The following ERC1 variants were observed in gnomAD, a reference collection of about 807,000 sequenced individuals.
ERC1 encodes the protein RAB6 interacting protein 2.
A neutral mutation model predicts 132.0 loss-of-function variants in ERC1; 56 were observed. The ratio of observed to expected loss-of-function variants is 0.42; its 90% CI spans 0.34 to 0.53. The LOEUF (loss-of-function observed/expected upper bound fraction) is 0.53. ERC1 is among the 20% of genes least tolerant of loss of function. ERC1 has a pLI of 0.03. For synonymous variants in ERC1, 478 were observed against 476.1 expected (o/e 1.00, Z -0.05); for missense variants, 1,202 against 1,349.9 (o/e 0.89, Z 1.72).
At chr12:1,213,058 G>C (rs1958024293) in intron 12 of ERC1, among the ~76,000 whole-genome samples, 2 of 152,100 alleles carry the variant, frequency 1.3e-5, no homozygotes, top group African/African-American at 2.4e-5. Context: ...TAGTTGTCTA[G>C]TAATCCCGAT....
At chr12:1,055,794 T>C (rs1050554053) in intron 2 of ERC1, among the ~76,000 whole-genome samples, 1 of 152,182 alleles carries the variant, frequency 6.6e-6, no homozygotes, top group African/African-American at 2.4e-5. Flanking sequence ...ATGAAAATAA[T>C]GGTACATCAT....
At chr12:1,461,987 AAGTC>A (rs1358527123) in intron 18 of ERC1, among the ~76,000 whole-genome samples, 12 of 152,358 alleles carry the variant, frequency 7.9e-5, no homozygotes, top group African/African-American at 2.6e-4. Flanking sequence ...GATATTTTAA[AAGTC>A]AGTAACAAAA....
intron 16 of ERC1, among the ~76,000 whole-genome samples, chr12:1,385,142 C>CCA: frequency 6.6e-6 from 1 of 152,338 alleles, no homozygotes; most frequent in Middle Eastern, 3.4e-3. Flanking sequence ...TGGCCTGAAG[C>CCA]CAGTGAAAGG....
intron 18 of ERC1, chr12:1,445,162 T>G: frequency 6.2e-6 from 1 of 160,432 alleles, no homozygotes; most frequent in Non-Finnish European, 1.4e-5. Flanking sequence ...GTGAAAACAC[T>G]TTAAAATCTA....
chr12:1,175,367 G>A (rs905713416), intron 8 of ERC1, among the ~76,000 whole-genome samples: 2 of 151,756 alleles, frequency 1.3e-5, no homozygotes, highest in African/African-American at 2.4e-5. Context: ...CTCTCAACCC[G>A]TGGCACTGCT....
At position 1,112,207 on chromosome 12, in the gene ERC1, C is replaced by T. The variant is rs751590729; in HGVS notation, c.1318-8C>T. The T allele has an allele frequency of 2.0e-5, 32 of 1,597,430 alleles. No individual in the cohort carries two copies. The highest frequency in any genetic ancestry group is 2.7e-5 in the Non-Finnish European group (31 of 1,165,626). On this transcript the variant is annotated splice_polypyrimidine_tract_variant and splice_region_variant and intron_variant, in intron 5 of 18. Coordinates refer to ENST00000360905, the MANE Select transcript of ERC1 (RefSeq NM_178040.4). ...CATAAGTGAAAAAGAATAATAATGT[C>T]GTGACAGGTAGAACAACTGAAGGAG... is the stretch of plus-strand genomic sequence containing the variant.
intron 12 of ERC1, among the ~76,000 whole-genome samples, chr12:1,236,130 A>T (rs1466419994): frequency 2.0e-5 from 3 of 152,076 alleles, no homozygotes; most frequent in Non-Finnish European, 4.4e-5. Flanking sequence ...AACAGTTCAT[A>T]TATATATATG....
At chr12:1,147,519 A>G (rs1950490167) in intron 8 of ERC1, among the ~76,000 whole-genome samples, 2 of 152,166 alleles carry the variant, frequency 1.3e-5, no homozygotes, top group Admixed American at 6.5e-5. Context: ...CTTCTCATAC[A>G]TTTACTTCTT....
intron 15 of ERC1, among the ~76,000 whole-genome samples, chr12:1,363,543 C>CTTTTTTTTTTTTTTTTTTTTTTTTTTTTT (rs34769986): frequency 1.1e-5 from 1 of 94,344 alleles, no homozygotes; most frequent in African/African-American, 4.0e-5. Context: ...TATTTCTTTC[C>CTTTTTTTTTTTTTTTTTTTTTTTTTTTTT]TTTTTTTTTT....
At chr12:1,274,027 T>C (rs2078068780) in intron 14 of ERC1, among the ~76,000 whole-genome samples, 1 of 152,232 alleles carries the variant, frequency 6.6e-6, no homozygotes, top group Non-Finnish European at 1.5e-5. Flanking sequence ...GATATTATAA[T>C]TGCATGTGAG....
chr12:1,006,735 C>T (rs1367221896), intron 1 of ERC1, among the ~76,000 whole-genome samples: 1 of 151,970 alleles, frequency 6.6e-6, no homozygotes, highest in Admixed American at 6.6e-5. Flanking sequence ...GCAGTCCAGG[C>T]TGGTCTTGAA....
intron 17 of ERC1, among the ~76,000 whole-genome samples, chr12:1,431,888 G>A (rs2092806671): frequency 6.6e-6 from 1 of 152,162 alleles, no homozygotes; most frequent in South Asian, 2.1e-4. Flanking sequence ...ATAGTGTATA[G>A]TTACACTTTT....
At chr12:1,445,320 C>G (rs772462263) in intron 18 of ERC1, among the ~76,000 whole-genome samples, 2 of 150,588 alleles carry the variant, frequency 1.3e-5, no homozygotes, top group African/African-American at 4.9e-5. Context: ...ACTTCCACCT[C>G]CCAGGTTCAA....
chr12:1,093,443 C>A (rs541550197), intron 3 of ERC1, among the ~76,000 whole-genome samples: 293 of 152,196 alleles, frequency 1.9e-3, no homozygotes, highest in Middle Eastern at 6.8e-3. Flanking sequence ...ATTTGAGGCC[C>A]CAACTTTGGT....
intron 15 of ERC1, among the ~76,000 whole-genome samples, chr12:1,361,205 T>A (rs2086071204): frequency 7.3e-6 from 1 of 137,670 alleles, no homozygotes; most frequent in Non-Finnish European, 1.5e-5. Flanking sequence ...CTAAAAAAAA[T>A]TGCCTGTTTT....
At chr12:1,398,543 T>TA (rs1462938270) in intron 16 of ERC1, among the ~76,000 whole-genome samples, 1 of 152,150 alleles carries the variant, frequency 6.6e-6, no homozygotes, top group African/African-American at 2.4e-5. Flanking sequence ...TTCTCCCTTT[T>TA]AAAAAAATAT....
At chr12:1,100,274 T>G (rs1417320014) in intron 3 of ERC1, among the ~76,000 whole-genome samples, 1 of 151,776 alleles carries the variant, frequency 6.6e-6, no homozygotes, top group Non-Finnish European at 1.5e-5. Context: ...AAGAGGTGAG[T>G]CTGGCTGGAG....
At chr12:1,057,026 A>G (rs1268997304) in intron 2 of ERC1, among the ~76,000 whole-genome samples, 1 of 152,212 alleles carries the variant, frequency 6.6e-6, no homozygotes, top group Admixed American at 6.5e-5. Context: ...AATGGTCTAC[A>G]TAGGTGATGT....
chr12:1,323,787 T>C (rs951265628), intron 15 of ERC1, among the ~76,000 whole-genome samples: 13 of 152,194 alleles, frequency 8.5e-5, no homozygotes, highest in African/African-American at 2.7e-4. Context: ...TTAGAAGGAA[T>C]GATTGTTCTT....
Sources: gnomAD v4.1 joint callset for allele counts (sites outside exome capture counted in the v4.1 genomes callset) on GRCh38, gnomAD v4.1.1 for gene constraint, MANE v1.5 for transcripts, NCBI Gene and HGNC (gene_info 2026-07-23, HGNC 2026-07-21) for gene names.